SORCS2: variants seen among roughly 807,000 people sequenced by gnomAD.
The protein encoded by SORCS2 is VPS10 domain-containing receptor SorCS2.
In SORCS2, 100 loss-of-function variants were observed where a neutral mutation model predicts 141.6. The observed-to-expected ratio is 0.71, with a 90% confidence interval of 0.60 to 0.83. SORCS2 has a LOEUF of 0.83. Among genes scored for constraint, SORCS2 ranks in the 40% least tolerant of loss-of-function variants. The pLI is 0.00. For synonymous variants in SORCS2, 789 were observed against 676.9 expected, an observed-to-expected ratio of 1.17 and a Z score of -2.57; for missense variants, 1,646 against 1,560.2, an observed-to-expected ratio of 1.05 and a Z score of -0.93.
chr4:7,364,821 A>G (rs548939656), intron 1 of SORCS2, among the ~76,000 whole-genome samples: 1 of 152,344 alleles, frequency 6.6e-6, no homozygotes, highest in Admixed American at 6.5e-5. Flanking sequence ...CTGACATCAC[A>G]GAGTGCACGG....
At chr4:7,379,925 G>C (rs1409304981) in intron 1 of SORCS2, among the ~76,000 whole-genome samples, 1 of 152,192 alleles carries the variant, frequency 6.6e-6, no homozygotes, top group Non-Finnish European at 1.5e-5. Flanking sequence ...TTCAGTGCGT[G>C]AGTGTGATGA....
At chr4:7,494,235 C>A (rs936649029) in intron 2 of SORCS2, among the ~76,000 whole-genome samples, 1 of 152,220 alleles carries the variant, frequency 6.6e-6, no homozygotes, top group Admixed American at 6.5e-5. Flanking sequence ...TGAGCTTCCC[C>A]ATGAGTGGTC....
intron 1 of SORCS2, among the ~76,000 whole-genome samples, chr4:7,278,209 G>A (rs905457423): frequency 6.6e-6 from 1 of 151,232 alleles, no homozygotes; most frequent in African/African-American, 2.5e-5. Flanking sequence ...TCCCCACCTG[G>A]TGGGAGGAGC....
chr4:7,631,002 T>C (rs888090123), intron 3 of SORCS2, among the ~76,000 whole-genome samples: 19 of 151,678 alleles, frequency 1.3e-4, no homozygotes, highest in African/African-American at 4.1e-4. Flanking sequence ...TCCAGAGCTC[T>C]AGCGAGGCGA....
intron 1 of SORCS2, among the ~76,000 whole-genome samples, chr4:7,386,565 T>C (rs1232382479): frequency 2.7e-4 from 23 of 84,308 alleles, no homozygotes; most frequent in Middle Eastern, 0.01. Context: ...CACACGCACA[T>C]GCACACACAT....
chr4:7,571,473 C>T (rs114029885), intron 3 of SORCS2, among the ~76,000 whole-genome samples: 8 of 152,114 alleles, frequency 5.3e-5, no homozygotes, highest in East Asian at 3.9e-4. Context: ...GGCCATGCCC[C>T]GTGTGGGTGG....
chr4:7,412,306 C>A (rs1253554292), intron 2 of SORCS2, among the ~76,000 whole-genome samples: 1 of 152,206 alleles, frequency 6.6e-6, no homozygotes, highest in Non-Finnish European at 1.5e-5. Context: ...AGGGAAAAAG[C>A]AAACTGGGGC....
At chr4:7,699,883 A>G (rs1046001573) in intron 12 of SORCS2, among the ~76,000 whole-genome samples, 2 of 151,744 alleles carry the variant, frequency 1.3e-5, no homozygotes, top group Admixed American at 1.3e-4. Flanking sequence ...TTTTCCTCCT[A>G]AATCATTGTG....
At chr4:7,539,706 T>TATGGAGGCCCCGCCCCTC (rs1712426156) in intron 3 of SORCS2, among the ~76,000 whole-genome samples, 1 of 53,052 alleles carries the variant, frequency 1.9e-5, no homozygotes, top group African/African-American at 3.7e-5. Context: ...CCCCGCCCCT[T>TATGGAGGCCCCGCCCCTC]CCTGCTGTGG....
intron 1 of SORCS2, among the ~76,000 whole-genome samples, chr4:7,272,289 G>A (rs1004108584): frequency 6.6e-6 from 1 of 152,286 alleles, no homozygotes; most frequent in Middle Eastern, 3.4e-3. Flanking sequence ...AAATTTCAAA[G>A]CGTATATTTC....
chr4:7,434,841 C>A, intron 2 of SORCS2: 1 of 1,590,084 alleles, frequency 6.3e-7, no homozygotes. Context: ...CCCTGGTGGC[C>A]CCCAGGAGGC....
At chr4:7,284,580 G>A (rs1432189494) in intron 1 of SORCS2, among the ~76,000 whole-genome samples, 1 of 152,144 alleles carries the variant, frequency 6.6e-6, no homozygotes, top group Non-Finnish European at 1.5e-5. Context: ...TCCAGGAGGT[G>A]AGGACAGCAT....
rs141743648 is a variant in SORCS2 at position 7,737,500 on chromosome 4, T to G, written c.3415+328T>G. The stretch of plus-strand genomic sequence containing the variant: ...ACAGGGCTGGCTTTGAAAGGAAGCC[T>G]GACTCGGGCCTCAGGACGTGGGAGG... On this transcript the variant is annotated intron_variant, in intron 26 of 26. Transcript: ENST00000507866. Among the ~76,000 whole-genome samples, 504 of 152,276 alleles carry G rather than the reference T, an allele frequency of 3.3e-3. 3 individuals carry two copies. The highest frequency in any genetic ancestry group is 0.02 in the Middle Eastern group (6 of 294).
At chr4:7,566,926 G>A (rs1385403487) in intron 3 of SORCS2, among the ~76,000 whole-genome samples, 2 of 152,070 alleles carry the variant, frequency 1.3e-5, no homozygotes, top group African/African-American at 4.8e-5. Context: ...CTAGTCACAT[G>A]GCCTGGCTTA....
intron 4 of SORCS2, among the ~76,000 whole-genome samples, chr4:7,642,093 C>CA (rs1290606320): frequency 2.6e-5 from 4 of 152,116 alleles, no homozygotes; most frequent in Non-Finnish European, 5.9e-5. Flanking sequence ...AAATTTCTAC[C>CA]AACAGGGACA....
chr4:7,705,598 C>T (rs1211035521), intron 14 of SORCS2, among the ~76,000 whole-genome samples: 1 of 152,230 alleles, frequency 6.6e-6, no homozygotes, highest in Non-Finnish European at 1.5e-5. Flanking sequence ...TGCCCCTCAC[C>T]CTCGCCCACT....
chr4:7,412,718 C>T (rs1351576844), intron 2 of SORCS2, among the ~76,000 whole-genome samples: 1 of 152,108 alleles, frequency 6.6e-6, no homozygotes, highest in Non-Finnish European at 1.5e-5. Flanking sequence ...AGGTCTTGCT[C>T]CTCCTGCTGG....
intron 8 of SORCS2, among the ~76,000 whole-genome samples, chr4:7,674,592 A>T (rs868849937): frequency 0.02 from 2,999 of 148,264 alleles, 134 homozygotes; most frequent in African/African-American, 0.071. Context: ...AAAAAAAAAA[A>T]AAAAAAAAAA....
intron 3 of SORCS2, among the ~76,000 whole-genome samples, chr4:7,619,780 G>A (rs549389739): frequency 6.6e-6 from 1 of 152,302 alleles, no homozygotes; most frequent in East Asian, 1.9e-4. Flanking sequence ...CGATACTCAC[G>A]TGGCATAGTG....
Sources: allele counts gnomAD v4.1 joint callset (sites outside exome capture counted in the v4.1 genomes callset), GRCh38; gene constraint gnomAD v4.1.1; transcripts MANE v1.5; gene names NCBI Gene and HGNC (gene_info 2026-07-23, HGNC 2026-07-21).